CRYZL1: variants seen among roughly 807,000 people sequenced by gnomAD.
The protein encoded by CRYZL1 is crystallin zeta like 1, also known as ferry endosomal RAB5 effector complex subunit 4.
In CRYZL1, 34 loss-of-function variants were observed where a neutral mutation model predicts 50.6. The ratio of observed to expected loss-of-function variants is 0.67; its 90% CI spans 0.51 to 0.89. The LOEUF (loss-of-function observed/expected upper bound fraction) is 0.89, where lower values mean the gene tolerates loss of function less well. Among genes scored for constraint, CRYZL1 ranks in the 40% least tolerant of loss-of-function variants. The pLI is 0.00. For missense variants in CRYZL1, 354 were observed against 402.3 expected (o/e 0.88, Z 1.03); for synonymous variants, 125 against 134.3 (o/e 0.93, Z 0.48).
At chr21:33,631,129 G>A (rs1056032267) in intron 2 of CRYZL1, among the ~76,000 whole-genome samples, 1 of 152,176 alleles carries the variant, frequency 6.6e-6, no homozygotes, top group Non-Finnish European at 1.5e-5. Flanking sequence ...TTTCAAAATA[G>A]CTAGAAGAGA....
At chr21:33,640,631 G>A (rs2087278824) in intron 1 of CRYZL1, among the ~76,000 whole-genome samples, 1 of 152,122 alleles carries the variant, frequency 6.6e-6, no homozygotes, top group African/African-American at 2.4e-5. Context: ...CAATTACAGA[G>A]AATCTCTAAA....
chr21:33,620,900 A>ATTT (rs770153924), intron 4 of CRYZL1, among the ~76,000 whole-genome samples: 33 of 112,868 alleles, frequency 2.9e-4, no homozygotes, highest in Non-Finnish European at 4.6e-4. Context: ...GGGGTGTCCA[A>ATTT]TCTTTTTTTT....
intron 5 of CRYZL1, 111 bp downstream of exon 5, chr21:33,616,595 A>G: frequency 6.4e-7 from 1 of 1,571,542 alleles, no homozygotes. Context: ...CCCAGCCGGG[A>G]AAGTACTTCT....
At chr21:33,609,355 A>G (rs891647567) in intron 6 of CRYZL1, among the ~76,000 whole-genome samples, 6 of 152,176 alleles carry the variant, frequency 3.9e-5, no homozygotes, top group Non-Finnish European at 8.8e-5. Flanking sequence ...GCTAGAGTGC[A>G]GTGGCGCAAA....
rs146096008 is a variant in CRYZL1 at position 33,605,530 on chromosome 21, C to CTTTTT, written c.332-1998_332-1994dup. Among the ~76,000 whole-genome samples, 88 of 53,200 alleles carry CTTTTT rather than the reference C, an allele frequency of 1.7e-3. 30 individuals carry two copies. Among genetic ancestry groups the CTTTTT allele is most frequent in the Admixed American group, 6.7e-3 (20 of 3,002 alleles). The allele number at this position is 53,200 out of a possible 152,430, so 34.9% of individuals were successfully genotyped here. On this transcript the variant is annotated intron_variant, in intron 6 of 12. Transcript: ENST00000381554. Reference sequence around the variant, plus strand: ...GTAATTTTTCCGCAGTACAAGAATTCTTTTTTTTTTGAGATGGAGTCTCAC... The same window carrying CTTTTT: ...GTAATTTTTCCGCAGTACAAGAATTCTTTTTTTTTTTTTTTGAGATGGAGTCTCAC...
In CRYZL1 at chr21:33,637,788, T is replaced by TATATATAC. The variant is rs1491462371; in HGVS notation, c.-7+3892_-7+3893insGTATATAT. Among the ~76,000 whole-genome samples, 529 of 117,122 alleles carry TATATATAC rather than the reference T, an allele frequency of 4.5e-3. 1 individual carries two copies. Among genetic ancestry groups the TATATATAC allele is most frequent in the African/African-American group, 0.015 (467 of 32,184 alleles). The allele number at this position is 117,122 out of a possible 152,430, so 76.8% of individuals were successfully genotyped here. The stretch of plus-strand genomic sequence containing the variant: ...ATATATATATATATATATATATATA[T>TATATATAC]ACACACACACACACATATAAACAGC... On this transcript the variant is annotated intron_variant, in intron 1 of 12. Transcript: ENST00000381554.
At chr21:33,597,188 A>T in intron 10 of CRYZL1, 92 bp downstream of exon 10, 1 of 1,288,272 alleles carries the variant, frequency 7.8e-7, no homozygotes, top group Non-Finnish European at 1.1e-6. Context: ...ATACTAATTT[A>T]GTCATACCTT....
At chr21:33,593,067 G>A (rs1226227781) in intron 11 of CRYZL1, among the ~76,000 whole-genome samples, 2 of 149,166 alleles carry the variant, frequency 1.3e-5, no homozygotes, top group African/African-American at 4.9e-5. Flanking sequence ...AAAAAAAAAA[G>A]AAAGAAAGAA....
At chr21:33,632,203 G>A (rs1271551709) in intron 1 of CRYZL1, among the ~76,000 whole-genome samples, 7 of 150,186 alleles carry the variant, frequency 4.7e-5, no homozygotes, top group South Asian at 2.1e-4. Context: ...GTGGCGGTGC[G>A]TGCCTGTAAT....
intron 6 of CRYZL1, among the ~76,000 whole-genome samples, chr21:33,612,051 G>A (rs750665653): frequency 1.3e-5 from 2 of 151,918 alleles, no homozygotes; most frequent in African/African-American, 2.4e-5. Context: ...ATGGACATTT[G>A]GGCTGTTTCC....
chr21:33,632,822 T>C (rs2087157459), intron 1 of CRYZL1, among the ~76,000 whole-genome samples: 1 of 152,230 alleles, frequency 6.6e-6, no homozygotes, highest in African/African-American at 2.4e-5. Flanking sequence ...GCGCATAACT[T>C]GTTGAATTTT....
intron 2 of CRYZL1, among the ~76,000 whole-genome samples, chr21:33,629,868 T>C (rs2087117372): frequency 6.6e-6 from 1 of 152,212 alleles, no homozygotes; most frequent in Non-Finnish European, 1.5e-5. Flanking sequence ...AGCTGCAGGT[T>C]TGTTATACAT....
chr21:33,601,425 T>G (rs1035681209), intron 8 of CRYZL1, among the ~76,000 whole-genome samples: 2 of 152,120 alleles, frequency 1.3e-5, no homozygotes, highest in African/African-American at 4.8e-5. Flanking sequence ...CTTTACTAGG[T>G]GTATATCCTT....
At chr21:33,606,548 C>A (rs906475815) in intron 6 of CRYZL1, among the ~76,000 whole-genome samples, 1 of 151,644 alleles carries the variant, frequency 6.6e-6, no homozygotes, top group Non-Finnish European at 1.5e-5. Flanking sequence ...ATCGCTTGAA[C>A]CCAGGAGATG....
At chr21:33,616,787 G>GT in intron 4 of CRYZL1, 37 bp from the exon 5 acceptor site, 1 of 1,470,242 alleles carries the variant, frequency 6.8e-7, no homozygotes, top group South Asian at 1.3e-5. Flanking sequence ...AATATTACAA[G>GT]TTTATTAAAT....
At chr21:33,630,531 A>C (rs1159078979) in intron 2 of CRYZL1, among the ~76,000 whole-genome samples, 1 of 151,690 alleles carries the variant, frequency 6.6e-6, no homozygotes, top group Non-Finnish European at 1.5e-5. Flanking sequence ...GGTTGCAGTG[A>C]GGTGGGATGG....
intron 7 of CRYZL1, 82 bp downstream of exon 7, chr21:33,603,322 T>C: frequency 6.6e-7 from 1 of 1,522,696 alleles, no homozygotes; most frequent in Admixed American, 1.8e-5. Context: ...AAGAATTATA[T>C]TAGCAAATGG....
intron 1 of CRYZL1, among the ~76,000 whole-genome samples, chr21:33,634,881 ATAT>A (rs2087185388): frequency 1.3e-4 from 1 of 7,518 alleles, no homozygotes; most frequent in South Asian, 3.2e-3. Flanking sequence ...AACAACAACA[ATAT>A]ATATATATAT....
chr21:33,629,857 T>C (rs2087117267), intron 2 of CRYZL1, among the ~76,000 whole-genome samples: 1 of 152,224 alleles, frequency 6.6e-6, no homozygotes, highest in African/African-American at 2.4e-5. Context: ...AGTATGATGT[T>C]AGCTGCAGGT....
Sources: allele counts gnomAD v4.1 joint callset (sites outside exome capture counted in the v4.1 genomes callset), GRCh38; gene constraint gnomAD v4.1.1; transcripts MANE v1.5; gene names NCBI Gene and HGNC (gene_info 2026-07-23, HGNC 2026-07-21).